SLC22A3: variants seen among roughly 807,000 people sequenced by gnomAD.
The protein encoded by SLC22A3 is solute carrier family 22 member 3.
Under a neutral mutation model 59.1 loss-of-function variants are expected in SLC22A3, and 51 were observed. That is an observed-to-expected ratio of 0.86 (90% confidence interval 0.69 to 1.09). The LOEUF is 1.09. Ranked by LOEUF, SLC22A3 falls within the 50% of genes least tolerant of loss-of-function variation. SLC22A3 has a pLI of 0.00. For synonymous variants in SLC22A3, 325 were observed against 292.0 expected (o/e 1.11, Z -1.15); for missense variants, 711 against 726.3 (o/e 0.98, Z 0.24).
At chr6:160,371,280 CCATCAACCTGTCACTTA>C (rs1785388357) in intron 1 of SLC22A3, among the ~76,000 whole-genome samples, 1 of 152,030 alleles carries the variant, frequency 6.6e-6, no homozygotes, top group Non-Finnish European at 1.5e-5. Flanking sequence ...TTTGCTGCAC[CCATCAACCTGTCACTTA>C]CATTAGGTAT....
At chr6:160,426,853 A>G (rs1375168414) in intron 5 of SLC22A3, among the ~76,000 whole-genome samples, 1 of 152,174 alleles carries the variant, frequency 6.6e-6, no homozygotes, top group African/African-American at 2.4e-5. Context: ...CCTGGTGTGC[A>G]GGCAAGCTTT....
At chr6:160,434,756 G>A (rs962152521) in intron 5 of SLC22A3, among the ~76,000 whole-genome samples, 1 of 152,138 alleles carries the variant, frequency 6.6e-6, no homozygotes, top group East Asian at 1.9e-4. Flanking sequence ...CCTCACTGGG[G>A]TCTTCAAATT....
chr6:160,403,466 G>A (rs772379911), intron 2 of SLC22A3, among the ~76,000 whole-genome samples: 2 of 151,830 alleles, frequency 1.3e-5, no homozygotes, highest in Admixed American at 6.6e-5. Context: ...TTTGCCAAAC[G>A]TTTAGAGAAG....
intron 10 of SLC22A3, among the ~76,000 whole-genome samples, chr6:160,448,937 CAATCTT>C (rs1788849202): frequency 6.6e-6 from 1 of 152,094 alleles, no homozygotes; most frequent in African/African-American, 2.4e-5. Flanking sequence ...AACTAAAAAG[CAATCTT>C]AATAATGACT....
rs1387347486 is a variant in SLC22A3 at position 160,436,823 on chromosome 6, A to G, written c.1019A>G (p.Asp340Gly). The change falls in exon 6 of 11, where the codon GAT becomes GGT. Residue 340 changes from aspartate (D) to glycine (G), a missense_variant. Asp to Gly is a moderately conservative substitution (Grantham distance 94). Coordinates refer to ENST00000275300, the MANE Select transcript of SLC22A3 (RefSeq NM_021977.4). ...GAAGTTAGTAATCCATCCTTTTTAG[A>G]TCTGGTGAGAACTCCCCAAATGAGG... ...DEEVSNPSFLDLVRTPQMRKC... is the reference protein window; with the variant it reads ...DEEVSNPSFLGLVRTPQMRKC... 27 of 1,613,572 alleles carry G rather than the reference A, an allele frequency of 1.7e-5. No individual in the cohort carries two copies. The highest frequency in any genetic ancestry group is 2.3e-5 in the Non-Finnish European group (27 of 1,179,828).
At chr6:160,389,979 AAT>A (rs1786184535) in intron 1 of SLC22A3, among the ~76,000 whole-genome samples, 1 of 152,236 alleles carries the variant, frequency 6.6e-6, no homozygotes, top group Non-Finnish European at 1.5e-5. Flanking sequence ...GCATTAAATC[AAT>A]GCAGTGACTC....
chr6:160,421,071 C>G (rs544080505), intron 5 of SLC22A3, among the ~76,000 whole-genome samples: 1 of 152,184 alleles, frequency 6.6e-6, no homozygotes, highest in Non-Finnish European at 1.5e-5. Flanking sequence ...CCTCAGAAGG[C>G]AGGTTTCTGT....
intron 5 of SLC22A3, among the ~76,000 whole-genome samples, chr6:160,433,739 C>T (rs1788241524): frequency 6.6e-6 from 1 of 151,994 alleles, no homozygotes. Flanking sequence ...TTTAAAAAGT[C>T]AAACTATCTA....
intron 1 of SLC22A3, among the ~76,000 whole-genome samples, chr6:160,377,119 G>C (rs750428617): frequency 1.3e-5 from 2 of 152,214 alleles, no homozygotes; most frequent in Non-Finnish European, 2.9e-5. Context: ...TCCATGGGCA[G>C]AGCTCTTCAG....
chr6:160,409,036 TA>T, intron 4 of SLC22A3, 115 bp downstream of exon 4: 1 of 835,766 alleles, frequency 1.2e-6, no homozygotes. Context: ...TTTTTTTTAT[TA>T]TACTCTAAGT....
At chr6:160,422,790 C>A (rs552758462) in intron 5 of SLC22A3, among the ~76,000 whole-genome samples, 23 of 151,864 alleles carry the variant, frequency 1.5e-4, no homozygotes, top group Non-Finnish European at 2.4e-4. Flanking sequence ...TATTTTTCTG[C>A]TACAGGAATC....
chr6:160,391,840 TCAAA>T (rs1786272320), intron 1 of SLC22A3, among the ~76,000 whole-genome samples: 1 of 152,192 alleles, frequency 6.6e-6, no homozygotes, highest in African/African-American at 2.4e-5. Context: ...GAATTATTAT[TCAAA>T]CAGATTTAAT....
intron 1 of SLC22A3, among the ~76,000 whole-genome samples, chr6:160,353,022 T>C (rs555682726): frequency 6.6e-6 from 1 of 152,296 alleles, no homozygotes; most frequent in East Asian, 1.9e-4. Flanking sequence ...GGTTTCAGCA[T>C]ATTGGCCAGG....
At chr6:160,395,485 C>T (rs1207932930) in intron 1 of SLC22A3, among the ~76,000 whole-genome samples, 1 of 152,162 alleles carries the variant, frequency 6.6e-6, no homozygotes. Context: ...TGTTGCATTT[C>T]CGCTGGTAGT....
At chr6:160,425,825 G>A (rs894862887) in intron 5 of SLC22A3, 29 of 985,332 alleles carry the variant, frequency 2.9e-5, no homozygotes, top group Non-Finnish European at 3.5e-5. Flanking sequence ...TGAATAAATA[G>A]TGAACACAAT....
At chr6:160,419,120 T>G (rs1787624619) in intron 5 of SLC22A3, among the ~76,000 whole-genome samples, 1 of 152,180 alleles carries the variant, frequency 6.6e-6, no homozygotes, top group African/African-American at 2.4e-5. Context: ...GTTTGAAATA[T>G]TTGCAAAATA....
At chr6:160,423,109 G>A (rs1787811756) in intron 5 of SLC22A3, among the ~76,000 whole-genome samples, 1 of 152,100 alleles carries the variant, frequency 6.6e-6, no homozygotes, top group Non-Finnish European at 1.5e-5. Context: ...GCAATAGTTT[G>A]CTGAGAATGA....
chr6:160,363,048 G>A (rs1785075209), intron 1 of SLC22A3, among the ~76,000 whole-genome samples: 1 of 152,224 alleles, frequency 6.6e-6, no homozygotes, highest in African/African-American at 2.4e-5. Flanking sequence ...CGGGGACTCG[G>A]GCAGCTATTT....
intron 1 of SLC22A3, among the ~76,000 whole-genome samples, chr6:160,370,972 C>G (rs1002916471): frequency 5.3e-5 from 8 of 152,170 alleles, no homozygotes; most frequent in Non-Finnish European, 1.2e-4. Flanking sequence ...AGAAGCCTTT[C>G]CTGACACAGA....
Sources: allele counts gnomAD v4.1 joint callset (sites outside exome capture counted in the v4.1 genomes callset), GRCh38; gene constraint gnomAD v4.1.1; transcripts MANE v1.5; gene names NCBI Gene and HGNC (gene_info 2026-07-23, HGNC 2026-07-21).